Variants in CUL5 observed in about 807,000 individuals in gnomAD.
The protein encoded by CUL5 is cullin 5.
In CUL5, 26 loss-of-function variants were observed where a neutral mutation model predicts 108.8. The ratio of observed to expected loss-of-function variants is 0.24; its 90% confidence interval spans 0.18 to 0.33. The LOEUF (loss-of-function observed/expected upper bound fraction) is 0.33, where lower values mean the gene tolerates loss of function less well. Among genes scored for constraint, CUL5 ranks in the 10% least tolerant of loss-of-function variants. CUL5 has a pLI of 1.00. For synonymous variants in CUL5, 334 were observed against 298.0 expected (o/e 1.12, Z -1.25); for missense variants, 524 against 909.2 (o/e 0.58, Z 5.45).
chr11:108,065,431 CT>C (rs1863649215), intron 7 of CUL5, among the ~76,000 whole-genome samples: 1 of 152,286 alleles, frequency 6.6e-6, no homozygotes, highest in Non-Finnish European at 1.5e-5. Flanking sequence ...CCCCAGAGTA[CT>C]TTAGCTTATA....
chr11:108,018,951 TAGC>T (rs1205873428), intron 1 of CUL5, among the ~76,000 whole-genome samples: 1 of 152,074 alleles, frequency 6.6e-6, no homozygotes, highest in East Asian at 1.9e-4. Context: ...TATCTATAAA[TAGC>T]AGTGATCTCA....
intron 2 of CUL5, among the ~76,000 whole-genome samples, chr11:108,041,729 T>C (rs1336322850): frequency 2.0e-5 from 3 of 152,078 alleles, no homozygotes; most frequent in Non-Finnish European, 2.9e-5. Context: ...TATCTGGGAT[T>C]ACAGGCACCT....
intron 5 of CUL5, 78 bp from the exon 6 acceptor site, chr11:108,054,569 A>T: frequency 1.0e-6 from 1 of 999,378 alleles, no homozygotes. Flanking sequence ...ATGACTCCTC[A>T]ATATTTATTT....
At chr11:108,025,929 C>G (rs4568970) in intron 1 of CUL5, among the ~76,000 whole-genome samples, 90,498 of 151,882 alleles carry the variant, frequency 0.6, 28,419 homozygotes, top group East Asian at 0.9. Flanking sequence ...ACATTTGTAG[C>G]GCTCACCTCA....
At chr11:108,067,062 C>T (rs778706189) in intron 7 of CUL5, among the ~76,000 whole-genome samples, 1 of 152,182 alleles carries the variant, frequency 6.6e-6, no homozygotes, top group Non-Finnish European at 1.5e-5. Flanking sequence ...TACCTGGCCT[C>T]AAATTATAAC....
Position 108,078,249 on chromosome 11 carries a change from T to A in CUL5, c.1178+9T>A. ...CCTTTGAAGCAGAAGGGGTAAGTTT[T>A]TTAAAACCATACTTTAAAAATACTT... is the stretch of plus-strand genomic sequence containing the variant. On this transcript the variant is annotated intron_variant, in intron 11 of 18. Coordinates refer to ENST00000393094, the MANE Select transcript of CUL5 (RefSeq NM_003478.6). 6.7e-7 allele frequency: 1 copy of A among 1,499,066 alleles called. No individual in the cohort carries two copies. Among genetic ancestry groups the A allele is most frequent in the Non-Finnish European group, 9.1e-7 (1 of 1,094,060 alleles). 92.9% of individuals were successfully genotyped at this position (1,499,066 alleles called of 1,614,324 possible).
chr11:108,081,203 G>A (rs902532705), intron 11 of CUL5, among the ~76,000 whole-genome samples: 10 of 151,628 alleles, frequency 6.6e-5, no homozygotes, highest in Middle Eastern at 3.5e-3. Flanking sequence ...CAGGAGAATC[G>A]TCAGAATCTG....
At chr11:108,100,417 C>G (rs770593731) in intron 18 of CUL5, among the ~76,000 whole-genome samples, 4 of 152,092 alleles carry the variant, frequency 2.6e-5, no homozygotes, top group Non-Finnish European at 5.9e-5. Context: ...GTGGCGCATG[C>G]CTGTAATCCC....
At chr11:108,086,870 C>G (rs1013641689) in intron 11 of CUL5, among the ~76,000 whole-genome samples, 29 of 152,168 alleles carry the variant, frequency 1.9e-4, no homozygotes, top group African/African-American at 6.8e-4. Flanking sequence ...ACATAGAATT[C>G]ATTTTTAATG....
At chr11:108,009,417 G>A (rs1278503385) in intron 1 of CUL5, 45 bp downstream of exon 1, 1 of 1,609,430 alleles carries the variant, frequency 6.2e-7, no homozygotes, top group South Asian at 1.1e-5. Flanking sequence ...TGGCCGCCGG[G>A]TTCGGCTCTT....
intron 11 of CUL5, among the ~76,000 whole-genome samples, chr11:108,082,182 G>T (rs1367415089): frequency 6.6e-6 from 1 of 151,552 alleles, no homozygotes; most frequent in African/African-American, 2.4e-5. Flanking sequence ...TTTGGATGCT[G>T]TTGTAAATTG....
At chr11:108,100,483 G>T (rs933455043) in intron 18 of CUL5, among the ~76,000 whole-genome samples, 8 of 152,182 alleles carry the variant, frequency 5.3e-5, no homozygotes, top group African/African-American at 1.9e-4. Context: ...GGCAGAGGTT[G>T]CAGTGAGCCT....
At chr11:108,035,948 G>A (rs190365106) in intron 2 of CUL5, among the ~76,000 whole-genome samples, 1 of 152,196 alleles carries the variant, frequency 6.6e-6, no homozygotes, top group East Asian at 1.9e-4. Context: ...CAGCAGTAAA[G>A]CCAAGATACT....
At chr11:108,085,428 G>A (rs555714587) in intron 11 of CUL5, among the ~76,000 whole-genome samples, 1 of 152,036 alleles carries the variant, frequency 6.6e-6, no homozygotes, top group African/African-American at 2.4e-5. Context: ...ATGGGGAAGG[G>A]GGGGATGGGA....
intron 7 of CUL5, among the ~76,000 whole-genome samples, chr11:108,068,595 T>C (rs920652892): frequency 6.6e-6 from 1 of 152,208 alleles, no homozygotes; most frequent in African/African-American, 2.4e-5. Flanking sequence ...TAATAAAAAA[T>C]TTTTAAGGGA....
chr11:108,090,975 G>C (rs1238148960), intron 13 of CUL5, among the ~76,000 whole-genome samples: 1 of 152,044 alleles, frequency 6.6e-6, no homozygotes, highest in Non-Finnish European at 1.5e-5. Flanking sequence ...TAAGTATATA[G>C]GAAAAAGGGG....
intron 4 of CUL5, among the ~76,000 whole-genome samples, chr11:108,051,574 A>G (rs1565247321): frequency 6.6e-6 from 1 of 152,246 alleles, no homozygotes; most frequent in Non-Finnish European, 1.5e-5. Flanking sequence ...TGTTGCTGTC[A>G]TTAATGTATC....
At position 108,009,026 on chromosome 11, in the gene CUL5, A is replaced by G; in HGVS notation, c.-323A>G. ...AAAGGCTAATCCGAAGGAGTCGGGGAGGCTCGTGGAGTCGATGCTTCCTCT... is the reference window on the plus strand; with the variant it reads ...AAAGGCTAATCCGAAGGAGTCGGGGGGGCTCGTGGAGTCGATGCTTCCTCT... On this transcript the variant is annotated 5_prime_UTR_variant, in exon 1 of 19. Coordinates refer to ENST00000393094, the MANE Select transcript of CUL5 (RefSeq NM_003478.6). 2.4e-6 allele frequency: 1 copy of G among 408,588 alleles called. No homozygotes were observed. The allele number at this position is 408,588 out of a possible 1,614,324, so 25.3% of individuals were successfully genotyped here.
intron 1 of CUL5, among the ~76,000 whole-genome samples, chr11:108,018,854 A>C (rs1591273348): frequency 1.3e-5 from 2 of 152,250 alleles, no homozygotes; most frequent in East Asian, 3.9e-4. Flanking sequence ...CTGCAGCCAC[A>C]CTGCTTGGGT....
Sources: gnomAD v4.1 joint callset for allele counts (sites outside exome capture counted in the v4.1 genomes callset) on GRCh38, gnomAD v4.1.1 for gene constraint, MANE v1.5 for transcripts, NCBI Gene and HGNC (gene_info 2026-07-23, HGNC 2026-07-21) for gene names.